Variants in CD109 observed in about 807,000 individuals in gnomAD.
CD109 encodes the protein CD109 antigen.
In CD109, 149 loss-of-function variants were observed where a neutral mutation model predicts 165.8. The ratio of observed to expected loss-of-function variants is 0.90; its 90% CI spans 0.79 to 1.03. The LOEUF is 1.03. Ranked by LOEUF, CD109 falls within the 50% of genes least tolerant of loss-of-function variation. The probability of loss-of-function intolerance (pLI) is 0.00; values close to 1 mark genes in which losing one functional copy is unlikely to be tolerated. For synonymous variants in CD109, 585 were observed against 592.1 expected (o/e 0.99, Z 0.18); for missense variants, 1,712 against 1,677.8 (o/e 1.02, Z -0.36).
intron 11 of CD109, among the ~76,000 whole-genome samples, chr6:73,766,362 G>A (rs1773845460): frequency 6.6e-6 from 1 of 152,108 alleles, no homozygotes; most frequent in Non-Finnish European, 1.5e-5. Flanking sequence ...ATTTTGAAGA[G>A]CACAGTAAAA....
chr6:73,748,017 G>A (rs1488317254), intron 5 of CD109, among the ~76,000 whole-genome samples: 2 of 151,894 alleles, frequency 1.3e-5, no homozygotes, highest in East Asian at 3.9e-4. Context: ...GTACAGGCGT[G>A]TGCCACCATG....
intron 2 of CD109, among the ~76,000 whole-genome samples, chr6:73,706,934 T>C (rs1457764676): frequency 6.6e-6 from 1 of 152,218 alleles, no homozygotes; most frequent in Non-Finnish European, 1.5e-5. Context: ...CTCAGGAATA[T>C]AGATAAGACA....
intron 5 of CD109, among the ~76,000 whole-genome samples, chr6:73,748,812 A>G (rs1404565149): frequency 6.6e-6 from 1 of 152,244 alleles, no homozygotes; most frequent in Non-Finnish European, 1.5e-5. Flanking sequence ...AAGGGAAGGA[A>G]AGGATGATGT....
rs963412216 is a variant in CD109, at chr6:73,762,275, A to T, written c.759-109A>T. 3 of 766,432 alleles carry T rather than the reference A, an allele frequency of 3.9e-6. No individual in the cohort carries two copies. The African/African-American group carries it at 5.4e-5, about 14-fold the overall frequency. 47.5% of individuals were successfully genotyped at this position (766,432 alleles called of 1,614,324 possible). ...CGCTCCCAGCCCAATGTAATTTTTTAAAATGTTAGATTGCTAATTGCTAAT... is the reference window on the plus strand; with the variant it reads ...CGCTCCCAGCCCAATGTAATTTTTTTAAATGTTAGATTGCTAATTGCTAAT... On this transcript the variant is annotated intron_variant, in intron 7 of 32. Transcript: ENST00000287097.
At chr6:73,773,455 T>C (rs1774121389) in intron 15 of CD109, among the ~76,000 whole-genome samples, 1 of 152,120 alleles carries the variant, frequency 6.6e-6, no homozygotes, top group Non-Finnish European at 1.5e-5. Context: ...CTTATAAGTA[T>C]GGTAATTCTT....
chr6:73,689,993 A>G, the CD109 span, among the ~76,000 whole-genome samples: 1 of 152,256 alleles, frequency 6.6e-6, no homozygotes, highest in East Asian at 1.9e-4. Flanking sequence ...ACAACTAATT[A>G]TTTTTCACTG....
intron 22 of CD109, among the ~76,000 whole-genome samples, chr6:73,790,784 C>A (rs1169975791): frequency 6.6e-6 from 1 of 152,114 alleles, no homozygotes; most frequent in African/African-American, 2.4e-5. Context: ...CTGGGGAGGA[C>A]AATCTGCTGG....
At chr6:73,811,629 GTCT>G (rs1378685258) in intron 28 of CD109, among the ~76,000 whole-genome samples, 1 of 152,082 alleles carries the variant, frequency 6.6e-6, no homozygotes, top group Non-Finnish European at 1.5e-5. Flanking sequence ...TGCTCCACAT[GTCT>G]TCTTAGGAGA....
chr6:73,791,136 CAT>C (rs61429872), intron 22 of CD109, among the ~76,000 whole-genome samples: 2,149 of 56,206 alleles, frequency 0.038, 28 homozygotes, highest in South Asian at 0.051. Flanking sequence ...TACATACATA[CAT>C]ATATATATAT....
chr6:73,827,677 C>T lies in CD109; in HGVS notation c.*4044C>T, dbSNP rs1200882185. On this transcript the variant is annotated 3_prime_UTR_variant, in exon 33 of 33. Coordinates refer to ENST00000287097, the MANE Select transcript of CD109 (RefSeq NM_133493.5). Reference sequence around the variant, plus strand: ...TAGCCAGTGAGTTGTGTTTTCATGTCTCATCAAAAGACAATACCACATTGC... The same window carrying T: ...TAGCCAGTGAGTTGTGTTTTCATGTTTCATCAAAAGACAATACCACATTGC... 1 of 151,986 alleles carries T rather than the reference C, an allele frequency of 6.6e-6. No individual in the cohort carries two copies. Among genetic ancestry groups the T allele is most frequent in the Non-Finnish European group, 1.5e-5 (1 of 67,966 alleles). 9.4% of individuals were successfully genotyped at this position (151,986 alleles called of 1,614,324 possible).
intron 3 of CD109, among the ~76,000 whole-genome samples, chr6:73,727,236 G>T (rs950034902): frequency 6.6e-6 from 1 of 151,990 alleles, no homozygotes; most frequent in African/African-American, 2.4e-5. Flanking sequence ...GAGCACCGAG[G>T]TCTGCATTGA....
intron 28 of CD109, 99 bp from the exon 29 acceptor site, chr6:73,812,106 T>G: frequency 2.8e-6 from 2 of 707,486 alleles, no homozygotes; most frequent in South Asian, 2.1e-5. Flanking sequence ...CAGTGATTGC[T>G]TCTTTTCCTA....
At chr6:73,697,320 A>G (rs943727056) in intron 1 of CD109, 80 bp from the exon 2 acceptor site, 19 of 1,344,266 alleles carry the variant, frequency 1.4e-5, no homozygotes, top group Non-Finnish European at 1.8e-5. Flanking sequence ...TGCCTATCGC[A>G]CTAGGAAATC....
chr6:73,686,828 A>G, the CD109 span, among the ~76,000 whole-genome samples: 3 of 152,034 alleles, frequency 2.0e-5, no homozygotes, highest in African/African-American at 7.3e-5. Context: ...AGTAGCTGGG[A>G]TTACAGGTGC....
chr6:73,767,444 AT>A (rs1773893601), intron 13 of CD109, among the ~76,000 whole-genome samples: 1 of 152,216 alleles, frequency 6.6e-6, no homozygotes, highest in East Asian at 1.9e-4. Context: ...CGTTTTCTTT[AT>A]CCAGTCCACC....
At chr6:73,736,306 G>A (rs1772541697) in intron 4 of CD109, 77 bp from the exon 5 acceptor site, 1 of 1,489,786 alleles carries the variant, frequency 6.7e-7, no homozygotes, top group Non-Finnish European at 9.1e-7. Flanking sequence ...ATGCTGCAAG[G>A]CATTATTCCT....
At chr6:73,804,911 A>T (rs923185674) in intron 24 of CD109, among the ~76,000 whole-genome samples, 1 of 152,210 alleles carries the variant, frequency 6.6e-6, no homozygotes, top group African/African-American at 2.4e-5. Context: ...GCTCATCATC[A>T]CTGGCCATCA....
rs1489270955 is a variant in CD109, at chr6:73,782,595, T to C, written c.1964-19T>C. On this transcript the variant is annotated intron_variant, in intron 17 of 32. Transcript: ENST00000287097. ...CTCCAGTGACTGTTTTTCTAACTAC[T>C]GTCAATGTTTATTTATAGATGACAA... 1.2e-6 allele frequency: 2 copies of C among 1,605,186 alleles called. No individual in the cohort carries two copies. The highest frequency in any genetic ancestry group is 2.7e-5 in the African/African-American group (2 of 74,910).
chr6:73,697,532 C>T lies in CD109; in HGVS notation c.207C>T (p.Leu69=), dbSNP rs1770895857. 1.2e-6 allele frequency: 2 copies of T among 1,614,100 alleles called. No homozygotes were observed. Among genetic ancestry groups the T allele is most frequent in the East Asian group, 2.2e-5 (1 of 44,882 alleles). The stretch of plus-strand genomic sequence containing the variant: ...AGCTGCTCAAGACAGCATCAAACCT[C>T]ACTGTCTCTGTCCTGGAAGCAGAAG... The part of the protein sequence containing the change: ...KAELLKTASN[L]TVSVLEAEGV... The change falls in exon 2 of 33, where the codon CTC becomes CTT. Residue 69 remains leucine (L), a synonymous_variant. Coordinates refer to ENST00000287097, the MANE Select transcript of CD109 (RefSeq NM_133493.5).
Sources: allele counts gnomAD v4.1 joint callset (sites outside exome capture counted in the v4.1 genomes callset), GRCh38; gene constraint gnomAD v4.1.1; transcripts MANE v1.5; gene names NCBI Gene and HGNC (gene_info 2026-07-23, HGNC 2026-07-21).